Variants in ICE2 observed in about 807,000 individuals in gnomAD.
ICE2 encodes the protein little elongation complex subunit 2.
ICE2 carries 87 observed loss-of-function variants against 105.4 expected under a neutral mutation model. The ratio of observed to expected loss-of-function variants is 0.83; its 90% CI spans 0.69 to 0.99. The LOEUF (loss-of-function observed/expected upper bound fraction) is 0.99, where lower values mean the gene tolerates loss of function less well. ICE2 is among the 50% of genes least tolerant of loss of function. The pLI is 0.00. For synonymous variants in ICE2, 399 were observed against 392.0 expected (o/e 1.02, Z -0.21); for missense variants, 1,323 against 1,146.7 (o/e 1.15, Z -2.22).
intron 11 of ICE2, chr15:60,447,632 C>G (rs118099827): frequency 5.9e-6 from 1 of 170,172 alleles, no homozygotes. Flanking sequence ...TGGCCTGTGA[C>G]CCATCATACG....
chr15:60,472,620 T>C (rs1000543619), intron 3 of ICE2, among the ~76,000 whole-genome samples: 4 of 152,170 alleles, frequency 2.6e-5, no homozygotes, highest in African/African-American at 7.2e-5. Flanking sequence ...TCCAGCAAAA[T>C]GCCTTTTTCC....
At chr15:60,458,134 G>A (rs1267010844) in intron 5 of ICE2, among the ~76,000 whole-genome samples, 3 of 152,026 alleles carry the variant, frequency 2.0e-5, no homozygotes, top group Admixed American at 6.6e-5. Flanking sequence ...TACAATTATC[G>A]AAGTATTTTA....
intron 1 of ICE2, among the ~76,000 whole-genome samples, chr15:60,478,345 G>A (rs1403478112): frequency 6.6e-6 from 1 of 152,122 alleles, no homozygotes; most frequent in Non-Finnish European, 1.5e-5. Context: ...TACATACTAG[G>A]CCACTTGATG....
Position 60,466,584 on chromosome 15 carries a change from G to A in ICE2, c.528+10C>T, listed in dbSNP as rs368912215. The A allele has an allele frequency of 8.1e-6, 13 of 1,608,542 alleles. No individual in the cohort carries two copies. The East Asian group carries it at 1.6e-4, about 19-fold the overall frequency. On this transcript the variant is annotated intron_variant, in intron 5 of 15. Transcript: ENST00000261520. Reference sequence around the variant, plus strand: ...TTCGCAATTTACACAAATGTGAGTTGTTTTTTTACCTCTGTGAAGAGACGG... The same window carrying A: ...TTCGCAATTTACACAAATGTGAGTTATTTTTTTACCTCTGTGAAGAGACGG...
chr15:60,443,335 A>C (rs1393023420), intron 11 of ICE2, among the ~76,000 whole-genome samples: 1 of 152,246 alleles, frequency 6.6e-6, no homozygotes, highest in Admixed American at 6.5e-5. Context: ...ACTTGAACTT[A>C]TAAGGCTAAT....
intron 4 of ICE2, among the ~76,000 whole-genome samples, chr15:60,467,845 AGATGAACTGGAGTG>A (rs2064472742): frequency 6.6e-6 from 1 of 152,238 alleles, no homozygotes; most frequent in African/African-American, 2.4e-5. Context: ...CTAGTACTTA[AGATGAACTGGAGTG>A]AGTCATGCTC....
chr15:60,461,838 A>C (rs1401551125), intron 5 of ICE2, among the ~76,000 whole-genome samples: 3 of 152,228 alleles, frequency 2.0e-5, no homozygotes, highest in Non-Finnish European at 2.9e-5. Context: ...AGGGCTCTTG[A>C]AAATGGCTGA....
rs1227780198 is a variant in ICE2, at chr15:60,479,043, C to G, written c.-133G>C. Reference sequence around the variant, plus strand: ...GGCTCTTGCCCAGGCCGCAGCCACACACCACACACGCTCCACCCCACTCCT... The same window carrying G: ...GGCTCTTGCCCAGGCCGCAGCCACAGACCACACACGCTCCACCCCACTCCT... On this transcript the variant is annotated 5_prime_UTR_variant, in exon 1 of 16. Coordinates refer to ENST00000261520, the MANE Select transcript of ICE2 (RefSeq NM_024611.6). 9 of 455,880 alleles carry G rather than the reference C, an allele frequency of 2.0e-5. No individual in the cohort carries two copies. Among genetic ancestry groups the G allele is most frequent in the Non-Finnish European group, 4.0e-5 (9 of 226,740 alleles). The allele number at this position is 455,880 out of a possible 1,614,324, so 28.2% of individuals were successfully genotyped here. A position where few individuals can be genotyped will look rare whatever the true frequency, so the allele number is the denominator to read the frequency against.
intron 3 of ICE2, among the ~76,000 whole-genome samples, chr15:60,469,339 T>C (rs1453875104): frequency 1.3e-5 from 2 of 152,136 alleles, no homozygotes; most frequent in Admixed American, 6.5e-5. Context: ...AGCTAATGCA[T>C]GCTGGGCTTA....
intron 13 of ICE2, 98 bp from the exon 14 acceptor site, chr15:60,432,082 A>C: frequency 1.7e-6 from 1 of 577,212 alleles, no homozygotes. Flanking sequence ...AATAACAACA[A>C]CAAAAACAGC....
At chr15:60,438,134 A>G (rs940470161) in intron 12 of ICE2, 2 of 152,230 alleles carry the variant, frequency 1.3e-5, no homozygotes, top group African/African-American at 4.8e-5. Context: ...GTGACATAAA[A>G]GAGTCCTGGG....
At position 60,420,837 on chromosome 15, in the gene ICE2, TG is replaced by T. The variant is rs1210646149; in HGVS notation, c.*2796del. 6.6e-6 allele frequency: 1 copy of T among 151,622 alleles called. No individual in the cohort carries two copies. Among genetic ancestry groups the T allele is most frequent in the Non-Finnish European group, 1.5e-5 (1 of 67,946 alleles). The allele number at this position is 151,622 out of a possible 1,614,324, so 9.4% of individuals were successfully genotyped here. On this transcript the variant is annotated 3_prime_UTR_variant, in exon 16 of 16. Coordinates refer to ENST00000261520, the MANE Select transcript of ICE2 (RefSeq NM_024611.6). ...TGTCTTCCACTAGAATGTGATCTCCTGAAAAAAAAAATCTTTGATACCTACA... is the reference window on the plus strand; with the variant it reads ...TGTCTTCCACTAGAATGTGATCTCCTAAAAAAAAAATCTTTGATACCTACA...
At chr15:60,441,883 G>C (rs2141034335) in intron 12 of ICE2, 1 of 152,272 alleles carries the variant, frequency 6.6e-6, no homozygotes, top group South Asian at 2.1e-4. Flanking sequence ...TTTAAAAGTA[G>C]TGTCATTATA....
rs986643383 is a variant in ICE2 at position 60,469,335 on chromosome 15, T to C, written c.147-1013A>G. On this transcript the variant is annotated intron_variant, in intron 3 of 15. Coordinates refer to ENST00000261520, the MANE Select transcript of ICE2 (RefSeq NM_024611.6). ...GGAGAACATTAGGAAAAATAGCTAA[T>C]GCATGCTGGGCTTAATACCTAGGTG... Among the ~76,000 whole-genome samples the C allele has an allele frequency of 5.9e-5, 9 of 152,018 alleles. No homozygotes were observed. The East Asian group carries it at 1.2e-3, about 20-fold the overall frequency.
At position 60,442,430 on chromosome 15, in the gene ICE2, C is replaced by T. The variant is rs1328499139; in HGVS notation, c.2411G>A (p.Ser804Asn). The T allele has an allele frequency of 6.3e-7, 1 of 1,580,860 alleles. No individual in the cohort carries two copies. The highest frequency in any genetic ancestry group is 8.5e-7 in the Non-Finnish European group (1 of 1,172,502). ...LWTESLLHSNSSFYVGHIDAF... is the reference protein window; with the variant it reads ...LWTESLLHSNNSFYVGHIDAF... ...GTATAACTTACCAACATAAAATGAG[C>T]TGTTGGAATGCAATAAACTTTCAGT... Residue 804 changes from serine to asparagine, a missense_variant, in exon 12 of 16, where the codon AGC (serine) becomes AAC (asparagine). Ser to Asn is a conservative substitution (Grantham distance 46). Transcript: ENST00000261520.
rs746659338 is a variant in ICE2 at position 60,449,331 on chromosome 15, C to G, written c.1636G>C (p.Glu546Gln). 1 of 1,613,134 alleles carries G rather than the reference C, an allele frequency of 6.2e-7. No individual in the cohort carries two copies. The highest frequency in any genetic ancestry group is 1.7e-5 in the Admixed American group (1 of 60,020). ...TTTTCCTTTGAGTTGTCTAGGTTTTCTAGAACATTAGGTCTTTCACCATCA... is the reference window on the plus strand; with the variant it reads ...TTTTCCTTTGAGTTGTCTAGGTTTTGTAGAACATTAGGTCTTTCACCATCA... ...HADGERPNVLENLDNSKEKTV... is the reference protein window; with the variant it reads ...HADGERPNVLQNLDNSKEKTV... Residue 546 changes from glutamate to glutamine, a missense_variant, in exon 10 of 16, where the codon GAA becomes CAA. Glu to Gln is a conservative substitution (Grantham distance 29, BLOSUM62 2). Transcript: ENST00000261520.
At chr15:60,464,636 A>G (rs1210852301) in intron 5 of ICE2, among the ~76,000 whole-genome samples, 2 of 146,636 alleles carry the variant, frequency 1.4e-5, no homozygotes, top group Non-Finnish European at 3.0e-5. Context: ...GCCAGTCCGC[A>G]GGTGGGGGAA....
chr15:60,440,363 G>A (rs1487368104), intron 12 of ICE2: 1 of 152,196 alleles, frequency 6.6e-6, no homozygotes, highest in Admixed American at 6.5e-5. Flanking sequence ...GGGTTGGAGG[G>A]TGAATACGGA....
intron 12 of ICE2, chr15:60,439,332 G>C (rs1408514607): frequency 6.6e-5 from 10 of 152,134 alleles, no homozygotes; most frequent in African/African-American, 2.2e-4. Context: ...AACAGTGCTT[G>C]TTACCTTCTT....
Sources: allele counts gnomAD v4.1 joint callset (sites outside exome capture counted in the v4.1 genomes callset), GRCh38; gene constraint gnomAD v4.1.1; transcripts MANE v1.5; gene names NCBI Gene and HGNC (gene_info 2026-07-23, HGNC 2026-07-21).